Variants in STXBP4 observed in about 807,000 individuals in gnomAD.
The protein encoded by STXBP4 is syntaxin binding protein 4.
STXBP4 carries 55 observed loss-of-function variants against 76.1 expected under a neutral mutation model. The ratio of observed to expected loss-of-function variants is 0.72; its 90% CI spans 0.58 to 0.91. The LOEUF is 0.91. Ranked by LOEUF, STXBP4 falls within the 40% of genes least tolerant of loss-of-function variation. The pLI is 0.00. For synonymous variants in STXBP4, 201 were observed against 220.2 expected (o/e 0.91, Z 0.77); for missense variants, 618 against 636.9 (o/e 0.97, Z 0.32).
the STXBP4 span, among the ~76,000 whole-genome samples, chr17:55,192,503 C>T: frequency 1.3e-5 from 2 of 152,134 alleles, no homozygotes; most frequent in African/African-American, 4.8e-5. Flanking sequence ...ACACACGCCA[C>T]CTTCAAAGTG....
intron 17 of STXBP4, among the ~76,000 whole-genome samples, chr17:55,156,287 A>G (rs898945639): frequency 1.3e-5 from 2 of 152,176 alleles, no homozygotes; most frequent in Non-Finnish European, 2.9e-5. Flanking sequence ...CAGCTGAATT[A>G]CCAAGCACAC....
At chr17:55,119,402 T>C (rs1260767476) in intron 16 of STXBP4, among the ~76,000 whole-genome samples, 3 of 152,224 alleles carry the variant, frequency 2.0e-5, no homozygotes, top group African/African-American at 4.8e-5. Context: ...CTGTGAAAGA[T>C]TGGGAGAAAA....
intron 8 of STXBP4, among the ~76,000 whole-genome samples, chr17:55,019,207 T>C (rs2078261194): frequency 6.6e-6 from 1 of 152,204 alleles, no homozygotes; most frequent in South Asian, 2.1e-4. Flanking sequence ...CCTTTTTTTA[T>C]CACTTATTTT....
chr17:55,017,024 A>AG (rs2144602374), intron 8 of STXBP4, among the ~76,000 whole-genome samples: 1 of 152,290 alleles, frequency 6.6e-6, no homozygotes, highest in Admixed American at 6.5e-5. Flanking sequence ...CAGTGGTCTC[A>AG]GTATTTTTAG....
intron 8 of STXBP4, among the ~76,000 whole-genome samples, chr17:55,011,242 A>AT (rs960106684): frequency 8.6e-5 from 13 of 151,530 alleles, no homozygotes; most frequent in African/African-American, 3.1e-4. Context: ...ATTTTTTTTA[A>AT]TTTTTTTTAA....
chr17:54,991,838 T>C (rs954385520), intron 4 of STXBP4: 4 of 151,486 alleles, frequency 2.6e-5, no homozygotes, highest in East Asian at 3.9e-4. Context: ...TAATAAAATA[T>C]TCTATTAATA....
At chr17:55,149,580 C>A (rs958284284) in intron 17 of STXBP4, among the ~76,000 whole-genome samples, 1 of 152,170 alleles carries the variant, frequency 6.6e-6, no homozygotes, top group African/African-American at 2.4e-5. Flanking sequence ...AGTTACCCCT[C>A]CCCTTCCTTA....
rs1031689716 is a variant in STXBP4, at chr17:55,160,529, A to G, written c.*618A>G. Reference sequence around the variant, plus strand: ...GTGGGTATGTTTATTCTTGGTTTTCAGTAGGGAAATAGCAGTTCAGAGAGA... The same window carrying G: ...GTGGGTATGTTTATTCTTGGTTTTCGGTAGGGAAATAGCAGTTCAGAGAGA... On this transcript the variant is annotated 3_prime_UTR_variant, in exon 18 of 18. Coordinates refer to ENST00000376352, the MANE Select transcript of STXBP4 (RefSeq NM_178509.6). 6.6e-6 allele frequency: 1 copy of G among 152,570 alleles called. No homozygotes were observed. The highest frequency in any genetic ancestry group is 2.4e-5 in the African/African-American group (1 of 41,404). The allele number at this position is 152,570 out of a possible 1,614,324, so 9.5% of individuals were successfully genotyped here.
At position 54,972,169 on chromosome 17, in the gene STXBP4, G is replaced by A. The variant is rs147632649; in HGVS notation, c.-157+3354G>A. ...GTCTGCCAGGTTTCTCTGTTACAAG[G>A]TGAATTAGCAAATATGTCACATTCA... On this transcript the variant is annotated intron_variant, in intron 1 of 17. Transcript: ENST00000376352. Among the ~76,000 whole-genome samples the A allele has an allele frequency of 4.4e-4, 67 of 152,296 alleles. No homozygotes were observed. In the East Asian group the frequency reaches 0.011, roughly 25 times the overall value.
intron 13 of STXBP4, 143 bp from the exon 14 acceptor site, chr17:55,077,935 C>G: frequency 2.0e-6 from 1 of 489,390 alleles, no homozygotes; most frequent in Non-Finnish European, 3.6e-6. Flanking sequence ...TAGTTACATG[C>G]CCCCCAAAAT....
At chr17:55,118,103 G>A (rs1021254166) in intron 16 of STXBP4, among the ~76,000 whole-genome samples, 1 of 151,840 alleles carries the variant, frequency 6.6e-6, no homozygotes, top group Admixed American at 6.6e-5. Flanking sequence ...ATGCAAGGAT[G>A]GATGAAACAG....
chr17:55,125,479 C>CAAAAAAAAAAAAAAAAA lies in STXBP4; in HGVS notation c.1490-15826_1490-15810dup, dbSNP rs10632680. 2.7e-4 allele frequency among the ~76,000 whole-genome samples: 25 copies of CAAAAAAAAAAAAAAAAA among 91,738 alleles called. 1 individual carries two copies. The highest frequency in any genetic ancestry group is 4.5e-4 in the South Asian group (1 of 2,200). 60.2% of individuals were successfully genotyped at this position (91,738 alleles called of 152,430 possible). A position where few individuals can be genotyped will look rare whatever the true frequency, so the allele number is the denominator to read the frequency against. On this transcript the variant is annotated intron_variant, in intron 16 of 17. Transcript: ENST00000376352. Reference sequence around the variant, plus strand: ...CCTATTGTAAACCCTGGACAAAATACAAAAAAAAAAAAAAAAAAAAATACA... The same window carrying CAAAAAAAAAAAAAAAAA: ...CCTATTGTAAACCCTGGACAAAATACAAAAAAAAAAAAAAAAAAAAAAAAAAAAAAAAAAAAAATACA...
intron 17 of STXBP4, among the ~76,000 whole-genome samples, chr17:55,146,114 TGA>T (rs1332877120): frequency 6.6e-6 from 1 of 152,222 alleles, no homozygotes; most frequent in African/African-American, 2.4e-5. Context: ...AAAATTATTA[TGA>T]GAGTTATCAA....
chr17:55,082,652 A>G (rs961928084), intron 16 of STXBP4, among the ~76,000 whole-genome samples: 16 of 152,200 alleles, frequency 1.1e-4, no homozygotes, highest in Middle Eastern at 3.4e-3. Context: ...CACTGTGACA[A>G]TAGATAATGC....
At chr17:55,059,162 G>A (rs1180692757) in intron 12 of STXBP4, among the ~76,000 whole-genome samples, 1 of 151,800 alleles carries the variant, frequency 6.6e-6, no homozygotes, top group African/African-American at 2.4e-5. Flanking sequence ...AATAAATATA[G>A]CCTAATAAAA....
At chr17:55,063,351 A>G (rs961141812) in intron 12 of STXBP4, among the ~76,000 whole-genome samples, 17 of 152,268 alleles carry the variant, frequency 1.1e-4, no homozygotes, top group African/African-American at 4.1e-4. Context: ...TTAGAATCAC[A>G]GAATTTTCAA....
At chr17:55,194,600 T>C in the STXBP4 span, among the ~76,000 whole-genome samples, 1 of 152,246 alleles carries the variant, frequency 6.6e-6, no homozygotes, top group Non-Finnish European at 1.5e-5. Flanking sequence ...GAAAATGTTG[T>C]GGGATCTTTC....
intron 16 of STXBP4, among the ~76,000 whole-genome samples, chr17:55,090,608 A>G (rs1253148879): frequency 6.6e-6 from 1 of 152,110 alleles, no homozygotes; most frequent in East Asian, 1.9e-4. Context: ...AAAATGTATA[A>G]CATATATAAT....
chr17:55,023,722 G>C (rs2144640096), intron 8 of STXBP4, among the ~76,000 whole-genome samples: 1 of 151,982 alleles, frequency 6.6e-6, no homozygotes, highest in Admixed American at 6.5e-5. Flanking sequence ...GAGGAGAGGA[G>C]GGATGGAAAT....
Sources: gnomAD v4.1 joint callset for allele counts (sites outside exome capture counted in the v4.1 genomes callset) on GRCh38, gnomAD v4.1.1 for gene constraint, MANE v1.5 for transcripts, NCBI Gene and HGNC (gene_info 2026-07-23, HGNC 2026-07-21) for gene names.